The following ZNF578 variants were observed in gnomAD, a reference collection of about 807,000 sequenced individuals.
ZNF578 encodes Putative chemokine-related protein B42.
Under a neutral mutation model 8.3 loss-of-function variants are expected in ZNF578, and 8 were observed. The observed-to-expected ratio is 0.96, with a 90% confidence interval of 0.56 to 1.74. The LOEUF is 1.74. Among genes scored for constraint, ZNF578 ranks in the 40% most tolerant of loss-of-function variants. ZNF578 has a pLI of 0.00. For synonymous variants in ZNF578, 206 were observed against 232.2 expected, an observed-to-expected ratio of 0.89 and a Z score of 1.03; for missense variants, 726 against 707.5, an observed-to-expected ratio of 1.03 and a Z score of -0.30.
chr19:52,515,609 C>G lies in ZNF578; in HGVS notation c.*3455C>G, dbSNP rs1200296498. ...AGGGTAACTTGGTGAAAATGTCTTCCGATCTGAGCCCCAGTGAGCCTCCCT... is the reference window on the plus strand; with the variant it reads ...AGGGTAACTTGGTGAAAATGTCTTCGGATCTGAGCCCCAGTGAGCCTCCCT... On this transcript the variant is annotated 3_prime_UTR_variant, in exon 6 of 6. Coordinates refer to ENST00000421239, the MANE Select transcript of ZNF578 (RefSeq NM_001099694.2). Among the ~76,000 whole-genome samples the G allele has an allele frequency of 2.0e-5, 3 of 151,988 alleles. No homozygotes were observed. Among genetic ancestry groups the G allele is most frequent in the Non-Finnish European group, 4.4e-5 (3 of 67,998 alleles).
intron 2 of ZNF578, among the ~76,000 whole-genome samples, chr19:52,460,308 C>G (rs1485534762): frequency 1.6e-5 from 1 of 62,930 alleles, no homozygotes; most frequent in Non-Finnish European, 4.5e-5. Context: ...AGCATCCTCT[C>G]CAACACTTTT....
chr19:52,491,883 G>GTGT (rs1431002094), intron 3 of ZNF578, among the ~76,000 whole-genome samples: 1 of 151,946 alleles, frequency 6.6e-6, no homozygotes, highest in Non-Finnish European at 1.5e-5. Context: ...AAACAAGGCC[G>GTGT]TGTGGGGTGG....
At chr19:52,499,609 G>A (rs1352611618) in intron 3 of ZNF578, among the ~76,000 whole-genome samples, 1 of 151,630 alleles carries the variant, frequency 6.6e-6, no homozygotes, top group East Asian at 1.9e-4. Flanking sequence ...TACATTATTT[G>A]TAAGTGTTGT....
chr19:52,501,718 T>TGG (rs113582885), intron 3 of ZNF578, 109 bp from the exon 4 acceptor site: 12 of 1,010,592 alleles, frequency 1.2e-5, no homozygotes, highest in Middle Eastern at 6.3e-4. Flanking sequence ...CAGTGGGCAG[T>TGG]GGGGGGGGCT....
At chr19:52,459,837 C>T (rs1341591449) in intron 2 of ZNF578, among the ~76,000 whole-genome samples, 4 of 122,696 alleles carry the variant, frequency 3.3e-5, no homozygotes, top group Admixed American at 9.5e-5. Context: ...TGCAGTGGTG[C>T]GATCTTGGCT....
At chr19:52,494,215 A>C (rs2059377662) in intron 3 of ZNF578, among the ~76,000 whole-genome samples, 1 of 151,826 alleles carries the variant, frequency 6.6e-6, no homozygotes, top group Non-Finnish European at 1.5e-5. Flanking sequence ...GGCTGGGCGC[A>C]GTGGCTCAAG....
intron 2 of ZNF578, chr19:52,473,516 A>C (rs1002299564): frequency 1.9e-5 from 3 of 156,856 alleles, no homozygotes; most frequent in Non-Finnish European, 4.2e-5. Flanking sequence ...TATTTTATGA[A>C]AGGCAAGGCT....
intron 3 of ZNF578, among the ~76,000 whole-genome samples, chr19:52,492,001 A>T (rs1472639244): frequency 6.6e-6 from 1 of 151,738 alleles, no homozygotes; most frequent in Non-Finnish European, 1.5e-5. Flanking sequence ...TCTGCTAAAA[A>T]TACAAAAAAT....
Position 52,511,798 on chromosome 19 carries a change from C to T in ZNF578, c.1417C>T (p.His473Tyr). ...VFSQKSNLERHKIIHTGEKPY... is the reference protein window; with the variant it reads ...VFSQKSNLERYKIIHTGEKPY... ...CAGTCAGAAATCAAACCTTGAGAGA[C>T]ACAAGATAATTCATACTGGAGAGAA... Residue 473 changes from histidine (H) to tyrosine (Y), a missense_variant, in exon 6 of 6, where the codon CAC becomes TAC. Coordinates refer to ENST00000421239, the MANE Select transcript of ZNF578 (RefSeq NM_001099694.2). 2.5e-6 allele frequency: 4 copies of T among 1,613,612 alleles called. No individual in the cohort carries two copies. The highest frequency in any genetic ancestry group is 3.4e-6 in the Non-Finnish European group (4 of 1,179,824).
chr19:52,512,030 G>T lies in ZNF578; in HGVS notation c.1649G>T (p.Cys550Phe). Residue 550 changes from cysteine to phenylalanine, a missense_variant, in exon 6 of 6, where the codon TGC becomes TTC. Physicochemically the swap from Cys to Phe is radical, Grantham distance 205. Transcript: ENST00000421239. ...AAGGTTTGTGACAAGGCTTTCATGT[G>T]CCATTCTTATCTGGCAAACCATACT... The part of the protein sequence containing the change: ...KCKVCDKAFM[C>F]HSYLANHTRI... The T allele has an allele frequency of 6.2e-7, 1 of 1,612,838 alleles. No homozygotes were observed. The highest frequency in any genetic ancestry group is 8.5e-7 in the Non-Finnish European group (1 of 1,179,650).
chr19:52,506,684 C>A (rs2059426788), intron 5 of ZNF578, among the ~76,000 whole-genome samples: 1 of 152,092 alleles, frequency 6.6e-6, no homozygotes, highest in Non-Finnish European at 1.5e-5. Context: ...ACTGTCCTGG[C>A]TGGTCTTGAA....
chr19:52,454,055 C>T (rs1161321135), intron 1 of ZNF578: 1 of 152,252 alleles, frequency 6.6e-6, no homozygotes, highest in African/African-American at 2.4e-5. Context: ...CCTCCTTGGG[C>T]TGGGCCCTTG....
chr19:52,499,707 T>G (rs2059399859), intron 3 of ZNF578, among the ~76,000 whole-genome samples: 3 of 148,670 alleles, frequency 2.0e-5, no homozygotes, highest in African/African-American at 5.0e-5. Flanking sequence ...TTTTTTGAGA[T>G]GAATTTTCAC....
intron 2 of ZNF578, among the ~76,000 whole-genome samples, chr19:52,483,237 G>A (rs944010154): frequency 2.6e-5 from 4 of 151,908 alleles, no homozygotes; most frequent in African/African-American, 9.7e-5. Context: ...CCAACATGGA[G>A]AAACCCTGTC....
Position 52,511,878 on chromosome 19 carries a change from A to G in ZNF578, c.1497A>G (p.Pro499=), listed in dbSNP as rs770893005. ...HKTFSHRSSL[P]CHRRLHSGEK... ...CCTTCAGTCACAGGTCATCTCTTCC[A>G]TGCCATCGTAGACTTCATAGTGGTG... Residue 499 remains proline, a synonymous_variant, in exon 6 of 6, where the codon CCA becomes CCG. Transcript: ENST00000421239. 1.9e-6 allele frequency: 3 copies of G among 1,613,894 alleles called. No individual in the cohort carries two copies. Among genetic ancestry groups the G allele is most frequent in the Non-Finnish European group, 2.5e-6 (3 of 1,179,908 alleles).
chr19:52,499,626 T>A (rs2059399304), intron 3 of ZNF578, among the ~76,000 whole-genome samples: 3 of 151,636 alleles, frequency 2.0e-5, no homozygotes, highest in Admixed American at 2.0e-4. Context: ...TTGTAATTTA[T>A]AATACATAGA....
At chr19:52,476,081 C>T (rs1261588215) in intron 2 of ZNF578, among the ~76,000 whole-genome samples, 3 of 151,154 alleles carry the variant, frequency 2.0e-5, no homozygotes, top group African/African-American at 7.3e-5. Context: ...CAAATTGAGG[C>T]TTATCCTTCT....
chr19:52,480,959 T>TAAATATGAGTAGCATCCTTTGGA (rs1174794889), intron 2 of ZNF578, among the ~76,000 whole-genome samples: 10 of 150,228 alleles, frequency 6.7e-5, no homozygotes, highest in Admixed American at 4.7e-4. Context: ...TGGCACCAAA[T>TAAATATGAGTAGCATCCTTTGGA]AAATATGAGT....
rs776457814 is a variant in ZNF578, at chr19:52,511,156, T to G, written c.775T>G (p.Tyr259Asp). 6.2e-7 allele frequency: 1 copy of G among 1,614,160 alleles called. No individual in the cohort carries two copies. Among genetic ancestry groups the G allele is most frequent in the South Asian group, 1.1e-5 (1 of 91,080 alleles). The change falls in exon 6 of 6, where the codon TAT becomes GAT. Residue 259 changes from tyrosine to aspartate, a missense_variant. Tyr to Asp is a radical substitution (Grantham distance 160). Transcript: ENST00000421239. ...GATAATCCATTTAGGAGAAAAACAA[T>G]ATAAATTTGATATATGTGGCAAAGT... ...HQIIHLGEKQ[Y>D]KFDICGKVFN...
Sources: gnomAD v4.1 joint callset for allele counts (sites outside exome capture counted in the v4.1 genomes callset) on GRCh38, gnomAD v4.1.1 for gene constraint, MANE v1.5 for transcripts, NCBI Gene and HGNC (gene_info 2026-07-23, HGNC 2026-07-21) for gene names.